UNC13D: variants seen among roughly 807,000 people sequenced by gnomAD.
UNC13D encodes the protein unc-13 homolog D, also known as protein unc-13 homolog D.
UNC13D carries 115 observed loss-of-function variants against 151.7 expected under a neutral mutation model. That is an observed-to-expected ratio of 0.76 (90% CI 0.65 to 0.88). UNC13D has a LOEUF of 0.88. UNC13D is among the 40% of genes least tolerant of loss of function. UNC13D has a pLI of 0.00. For missense variants in UNC13D, 1,369 were observed against 1,438.7 expected, an observed-to-expected ratio of 0.95 and a Z score of 0.78; for synonymous variants, 588 against 612.2, an observed-to-expected ratio of 0.96 and a Z score of 0.58.
At position 75,833,818 on chromosome 17, in the gene UNC13D, A is replaced by T. The variant is rs2064888286; in HGVS notation, c.2367+257T>A. Reference sequence around the variant, plus strand: ...CAAAGCTAGGAGGCAGCTGAGAAGGATGTGCACCCTGGCCTGTTTGGCTGC... The same window carrying T: ...CAAAGCTAGGAGGCAGCTGAGAAGGTTGTGCACCCTGGCCTGTTTGGCTGC... On this transcript the variant is annotated intron_variant, in intron 24 of 31. Coordinates refer to ENST00000207549, the MANE Select transcript of UNC13D (RefSeq NM_199242.3). This position sits in a 1 kb window ranked among gnomAD's most constrained non-coding sequence, Gnocchi z 4.0. Among the ~76,000 whole-genome samples the T allele has an allele frequency of 2.6e-5, 4 of 152,180 alleles. No individual in the cohort carries two copies. In the South Asian group the frequency reaches 6.2e-4, roughly 24 times the overall value.
rs1226726215 is a variant in UNC13D, at chr17:75,830,673, T to G, written c.2626-12A>C. Reference sequence around the variant, plus strand: ...TCCCTCTGCAGAGCCTGGGAACACATACAGCTGAGGATCCACCTGGACTGC... The same window carrying G: ...TCCCTCTGCAGAGCCTGGGAACACAGACAGCTGAGGATCCACCTGGACTGC... On this transcript the variant is annotated splice_polypyrimidine_tract_variant and intron_variant, in intron 27 of 31. Coordinates refer to ENST00000207549, the MANE Select transcript of UNC13D (RefSeq NM_199242.3). 2 of 1,553,266 alleles carry G rather than the reference T, an allele frequency of 1.3e-6. No individual in the cohort carries two copies. Among genetic ancestry groups the G allele is most frequent in the Admixed American group, 3.9e-5 (2 of 51,302 alleles).
In UNC13D at chr17:75,833,146, TTCTGTGAGAGCAGTTTGTAGTG is replaced by T; in HGVS notation, c.2368-123_2368-102del. On this transcript the variant is annotated intron_variant, in intron 24 of 31. Coordinates refer to ENST00000207549, the MANE Select transcript of UNC13D (RefSeq NM_199242.3). This position sits in a 1 kb window ranked among gnomAD's most constrained non-coding sequence, Gnocchi z 4.0. The stretch of plus-strand genomic sequence containing the variant: ...AGGGAGGAAACAGGGCTGGGAACCG[TTCTGTGAGAGCAGTTTGTAGTG>T]TCTGTAAGAGGCCGGCCTGCCCACC... 8.3e-7 allele frequency: 1 copy of T among 1,205,804 alleles called. No homozygotes were observed. The highest frequency in any genetic ancestry group is 1.2e-6 in the Non-Finnish European group (1 of 840,800). The allele number at this position is 1,205,804 out of a possible 1,614,324, so 74.7% of individuals were successfully genotyped here.
intron 12 of UNC13D, among the ~76,000 whole-genome samples, chr17:75,839,228 C>T (rs936993765): frequency 2.6e-5 from 4 of 151,854 alleles, no homozygotes; most frequent in African/African-American, 9.7e-5. Context: ...CATGGAGAAA[C>T]CCCGTCTCTA....
intron 30 of UNC13D, 101 bp from the exon 31 acceptor site, chr17:75,829,084 G>C (rs1181151844): frequency 7.0e-7 from 1 of 1,431,554 alleles, no homozygotes; most frequent in Non-Finnish European, 9.4e-7. Flanking sequence ...CCAGGGTTTG[G>C]ACTGCAAAGC....
In UNC13D at chr17:75,844,314, C is replaced by T. The variant is rs143320460; in HGVS notation, c.24G>A (p.Pro8=). The change falls in exon 1 of 32, where the codon CCG becomes CCA. Residue 8 remains proline, a synonymous_variant. Coordinates refer to ENST00000207549, the MANE Select transcript of UNC13D (RefSeq NM_199242.3). ...GGCGCAAGAAGGGAGGGCGCTGCTG[C>T]GGATGGGAGAGGAGTGTCGCCATGG... MATLLSH[P]QQRPPFLRQA... The T allele has an allele frequency of 1.0e-3, 1,615 of 1,611,952 alleles. 15 individuals carry two copies. The Middle Eastern group carries it at 0.026, about 26-fold the overall frequency.
Position 75,832,937 on chromosome 17 carries a change from G to A in UNC13D, c.2447+29C>T, listed in dbSNP as rs371284786. 5 of 1,558,140 alleles carry A rather than the reference G, an allele frequency of 3.2e-6. No individual in the cohort carries two copies. The highest frequency in any genetic ancestry group is 3.9e-5 in the Admixed American group (2 of 51,366). Reference sequence around the variant, plus strand: ...GTGGGAGGAGAGGGGGAGGTGGCGAGCGCGCCCAGGGCAGGGGCTGCTACA... The same window carrying A: ...GTGGGAGGAGAGGGGGAGGTGGCGAACGCGCCCAGGGCAGGGGCTGCTACA... On this transcript the variant is annotated intron_variant, in intron 25 of 31. Transcript: ENST00000207549. The surrounding 1 kb of genome is among the most constrained non-coding windows in gnomAD (Gnocchi z 4.3).
intron 12 of UNC13D, among the ~76,000 whole-genome samples, chr17:75,838,007 C>G (rs1347038963): frequency 6.6e-6 from 1 of 152,110 alleles, no homozygotes; most frequent in Non-Finnish European, 1.5e-5. Flanking sequence ...CCATCTGGTG[C>G]CTGCTCCAGT....
At chr17:75,828,273 C>T (rs912710310) in intron 31 of UNC13D, among the ~76,000 whole-genome samples, 187 bp from the exon 32 acceptor site, 77 of 152,310 alleles carry the variant, frequency 5.1e-4, no homozygotes, top group African/African-American at 1.6e-3. Flanking sequence ...GGTCGGGTCG[C>T]GTAACAGACA....
At chr17:75,829,711 C>T (rs2062148126) in intron 30 of UNC13D, 1 of 347,738 alleles carries the variant, frequency 2.9e-6, no homozygotes, top group South Asian at 2.4e-5. Flanking sequence ...CTGCCTCAGC[C>T]TCCCGAGTAG....
Position 75,836,923 on chromosome 17 carries a change from A to T in UNC13D, c.1056-5T>A, listed in dbSNP as rs892229613. 6.2e-7 allele frequency: 1 copy of T among 1,612,316 alleles called. No individual in the cohort carries two copies. The highest frequency in any genetic ancestry group is 1.3e-5 in the African/African-American group (1 of 74,892). ...CGGCTGTAGGCCAGCCACTGCCTGCAGGGGACAGGAAGCCCTCAGCTGGAC... is the reference window on the plus strand; with the variant it reads ...CGGCTGTAGGCCAGCCACTGCCTGCTGGGGACAGGAAGCCCTCAGCTGGAC... On this transcript the variant is annotated splice_polypyrimidine_tract_variant and splice_region_variant and intron_variant, in intron 12 of 31. Transcript: ENST00000207549.
At chr17:75,830,820 ACAG>A (rs1361804924) in intron 27 of UNC13D, among the ~76,000 whole-genome samples, 159 bp from the exon 28 acceptor site, 6 of 152,186 alleles carry the variant, frequency 3.9e-5, no homozygotes, top group African/African-American at 7.2e-5. Flanking sequence ...GGCCAGACAG[ACAG>A]CAGGAGAGGC....
In UNC13D at chr17:75,840,859, CAG is replaced by C; in HGVS notation, c.615-31_615-30del. 1 of 1,614,060 alleles carries C rather than the reference CAG, an allele frequency of 6.2e-7. No homozygotes were observed. The highest frequency in any genetic ancestry group is 8.5e-7 in the Non-Finnish European group (1 of 1,179,990). On this transcript the variant is annotated intron_variant, in intron 7 of 31. Coordinates refer to ENST00000207549, the MANE Select transcript of UNC13D (RefSeq NM_199242.3). The surrounding 1 kb of genome is among the most constrained non-coding windows in gnomAD (Gnocchi z 4.6). Reference sequence around the variant, plus strand: ...GCAGGACAGAGGTTTGAGAAGGAAGCAGAGAGAGTGCCTACGACCTCTTCCAG... The same window carrying C: ...GCAGGACAGAGGTTTGAGAAGGAAGCAGAGAGTGCCTACGACCTCTTCCAG...
At chr17:75,831,537 G>A in intron 25 of UNC13D, 189 bp from the exon 26 acceptor site, 1 of 611,602 alleles carries the variant, frequency 1.6e-6, no homozygotes. Context: ...GACCAGCAAG[G>A]GGCAGGTGGG....
chr17:75,831,378 A>T, intron 25 of UNC13D, 30 bp from the exon 26 acceptor site: 1 of 1,592,148 alleles, frequency 6.3e-7, no homozygotes, highest in Non-Finnish European at 8.6e-7. Flanking sequence ...ATGCGGACAC[A>T]GCACGGCAGG....
intron 30 of UNC13D, 29 bp downstream of exon 30, chr17:75,829,999 G>A (rs1292805003): frequency 1.0e-5 from 16 of 1,567,760 alleles, no homozygotes; most frequent in Admixed American, 1.9e-5. Context: ...ATGAGGGGAG[G>A]GACTGGGAGA....
At position 75,839,955 on chromosome 17, in the gene UNC13D, G is replaced by C. The variant is rs2064935727; in HGVS notation, c.952-13C>G. ...AGGTGCTTCCCGCCTGAGGGGAGCA[G>C]GTGGAGGAGTGTCAGGACCTGAAGG... is the stretch of plus-strand genomic sequence containing the variant. On this transcript the variant is annotated splice_polypyrimidine_tract_variant and intron_variant, in intron 11 of 31. Coordinates refer to ENST00000207549, the MANE Select transcript of UNC13D (RefSeq NM_199242.3). 1 of 1,613,582 alleles carries C rather than the reference G, an allele frequency of 6.2e-7. No homozygotes were observed. Among genetic ancestry groups the C allele is most frequent in the African/African-American group, 1.3e-5 (1 of 74,942 alleles).
chr17:75,840,368 C>T lies in UNC13D; in HGVS notation c.754-39G>A. ...ATGCCCAGCCCGTGAGCGTCAGAACCTCATAGAGTCGGGGCAGCGGAGGCG... is the reference window on the plus strand; with the variant it reads ...ATGCCCAGCCCGTGAGCGTCAGAACTTCATAGAGTCGGGGCAGCGGAGGCG... On this transcript the variant is annotated intron_variant, in intron 9 of 31. Coordinates refer to ENST00000207549, the MANE Select transcript of UNC13D (RefSeq NM_199242.3). The surrounding 1 kb of genome is among the most constrained non-coding windows in gnomAD (Gnocchi z 4.6). 1 of 1,611,028 alleles carries T rather than the reference C, an allele frequency of 6.2e-7. No individual in the cohort carries two copies. The highest frequency in any genetic ancestry group is 8.5e-7 in the Non-Finnish European group (1 of 1,178,318).
chr17:75,834,043 G>A (rs2143873573), intron 24 of UNC13D, 32 bp downstream of exon 24: 3 of 1,612,096 alleles, frequency 1.9e-6, no homozygotes, highest in Non-Finnish European at 2.5e-6. Context: ...CTGGCAGGGT[G>A]GTGAAGGCCA....
rs1442743528 is a variant in UNC13D, at chr17:75,842,552, G to T, written c.450C>A (p.Ser150Arg). The change falls in exon 6 of 32, where the codon AGC (serine) becomes AGA (arginine). Residue 150 changes from serine (S) to arginine (R), a missense_variant. This residue lies in a region of UNC13D where 550 missense variants were observed against 609.0 expected (regional missense o/e 0.90). Transcript: ENST00000207549. ...CCTTCTGCCGATGCCGGGACCCGGG[G>T]CTGCCCCCTGGCACACCTACCCCCT... ...IEQGVGVPGGSPGSRHRQKAV... is the reference protein window; with the variant it reads ...IEQGVGVPGGRPGSRHRQKAV... The T allele has an allele frequency of 6.2e-7, 1 of 1,611,922 alleles. No individual in the cohort carries two copies.
Sources: gnomAD v4.1 joint callset for allele counts (sites outside exome capture counted in the v4.1 genomes callset) on GRCh38, gnomAD v4.1.1 for gene constraint, gnomAD v4.1.1 regional missense constraint, Gnocchi (gnomAD v3.1) non-coding constraint, MANE v1.5 for transcripts, NCBI Gene and HGNC (gene_info 2026-07-23, HGNC 2026-07-21) for gene names.